RIGI: variants seen among roughly 807,000 people sequenced by gnomAD.
RIGI encodes RNA sensor RIG-I, also known as antiviral innate immune response receptor RIG-I.
the RIGI span, among the ~76,000 whole-genome samples, chr9:32,520,549 T>C: frequency 6.6e-6 from 1 of 152,142 alleles, no homozygotes; most frequent in Non-Finnish European, 1.5e-5. Flanking sequence ...ATGAACTGCT[T>C]TCATGAGACA....
the RIGI span, among the ~76,000 whole-genome samples, chr9:32,521,123 G>C: frequency 1.1e-4 from 8 of 76,100 alleles, no homozygotes; most frequent in African/African-American, 3.7e-4. Flanking sequence ...CTGGGCAACA[G>C]AGCCAGACAC....
chr9:32,487,870 T>G, the RIGI span: 3 of 1,512,866 alleles, frequency 2.0e-6, no homozygotes, highest in Admixed American at 3.8e-5. Flanking sequence ...ATCTTCAGTG[T>G]GGCCATAAGA....
the RIGI span, chr9:32,488,814 C>G: frequency 6.2e-7 from 1 of 1,613,310 alleles, no homozygotes; most frequent in Non-Finnish European, 8.5e-7. Flanking sequence ...AGACAACTTT[C>G]CCCTTTTGTC....
chr9:32,455,879 A>AAGTT, the RIGI span: 2 of 152,144 alleles, frequency 1.3e-5, no homozygotes, highest in East Asian at 1.9e-4. Flanking sequence ...AGCCAAAGAG[A>AAGTT]AGTTATATAA....
At chr9:32,466,427 T>C in the RIGI span, 2 of 1,611,256 alleles carry the variant, frequency 1.2e-6, no homozygotes, top group Non-Finnish European at 1.7e-6. Context: ...TTGCTACCTC[T>C]TGCTCTTCCT....
chr9:32,524,668 T>G, the RIGI span, among the ~76,000 whole-genome samples: 13 of 134,444 alleles, frequency 9.7e-5, no homozygotes, highest in African/African-American at 3.7e-4. Context: ...AGTGCAGTGG[T>G]GCGATCTCAC....
chr9:32,492,554 G>T, the RIGI span: 2 of 1,613,434 alleles, frequency 1.2e-6, no homozygotes, highest in South Asian at 2.2e-5. Context: ...CAAGGTAACT[G>T]TAGTTTATTG....
At chr9:32,469,270 G>A in the RIGI span, among the ~76,000 whole-genome samples, 3 of 152,174 alleles carry the variant, frequency 2.0e-5, no homozygotes, top group African/African-American at 4.8e-5. Context: ...CTGAGATCGT[G>A]AGGGTTGTCT....
chr9:32,523,939 G>C, the RIGI span, among the ~76,000 whole-genome samples: 1 of 151,834 alleles, frequency 6.6e-6, no homozygotes, highest in Admixed American at 6.6e-5. Context: ...TGGATACCTG[G>C]AACACTCTAG....
At chr9:32,490,251 C>A in the RIGI span, among the ~76,000 whole-genome samples, 2 of 152,156 alleles carry the variant, frequency 1.3e-5, no homozygotes, top group African/African-American at 4.8e-5. Context: ...GTGGCACATG[C>A]CTGTGGTCCC....
chr9:32,461,681 T>C, the RIGI span, among the ~76,000 whole-genome samples: 11 of 152,268 alleles, frequency 7.2e-5, no homozygotes, highest in South Asian at 2.3e-3. Flanking sequence ...TAGGCTAGTC[T>C]TATGCTAAGA....
At chr9:32,487,885 G>C in the RIGI span, 2 of 1,575,430 alleles carry the variant, frequency 1.3e-6, no homozygotes, top group Non-Finnish European at 1.7e-6. Flanking sequence ...ATAAGAGTAA[G>C]AAAATAGGAG....
chr9:32,459,236 A>G, the RIGI span: 1 of 1,132,492 alleles, frequency 8.8e-7, no homozygotes, highest in South Asian at 1.5e-5. Context: ...TTCACTTCTT[A>G]GCTTTTTTTA....
the RIGI span, among the ~76,000 whole-genome samples, chr9:32,470,759 C>A: frequency 6.6e-6 from 1 of 152,142 alleles, no homozygotes; most frequent in Non-Finnish European, 1.5e-5. Flanking sequence ...TTACATGCAG[C>A]TTTTTGTAAA....
chr9:32,521,890 T>C, the RIGI span, among the ~76,000 whole-genome samples: 5 of 152,344 alleles, frequency 3.3e-5, no homozygotes, highest in East Asian at 9.6e-4. Flanking sequence ...ATGGCTCTCC[T>C]AAGACTTTTG....
At chr9:32,512,195 G>A in the RIGI span, among the ~76,000 whole-genome samples, 1 of 152,040 alleles carries the variant, frequency 6.6e-6, no homozygotes, top group Non-Finnish European at 1.5e-5. Context: ...AGAAAAAGAG[G>A]GACTCCTCCC....
chr9:32,491,986 T>G, the RIGI span, among the ~76,000 whole-genome samples: 1 of 152,214 alleles, frequency 6.6e-6, no homozygotes, highest in Admixed American at 6.5e-5. Context: ...CAGTTCCAGA[T>G]GGCTTCCAGT....
At chr9:32,467,901 C>T in the RIGI span, 1 of 1,610,828 alleles carries the variant, frequency 6.2e-7, no homozygotes, top group Middle Eastern at 1.7e-4. Context: ...TGAATGCATC[C>T]AATATACACT....
At chr9:32,487,058 A>T in the RIGI span, among the ~76,000 whole-genome samples, 1 of 152,256 alleles carries the variant, frequency 6.6e-6, no homozygotes, top group Non-Finnish European at 1.5e-5. Flanking sequence ...GAGGAGTGAC[A>T]TCATGAATTC....
Sources: allele counts gnomAD v4.1 joint callset (sites outside exome capture counted in the v4.1 genomes callset), GRCh38; gene constraint gnomAD v4.1.1; transcripts MANE v1.5; gene names NCBI Gene and HGNC (gene_info 2026-07-23, HGNC 2026-07-21).